AREL1: variants seen among roughly 807,000 people sequenced by gnomAD.
AREL1 encodes the protein apoptosis resistant E3 ubiquitin protein ligase 1.
A neutral mutation model predicts 99.0 loss-of-function variants in AREL1; 62 were observed. The observed-to-expected ratio is 0.63, with a 90% CI of 0.51 to 0.77. AREL1 has a LOEUF of 0.77. Ranked by LOEUF, AREL1 falls within the 30% of genes least tolerant of loss-of-function variation. The pLI is 0.00. For synonymous variants in AREL1, 380 were observed against 376.5 expected, an observed-to-expected ratio of 1.01 and a Z score of -0.11; for missense variants, 879 against 1,027.6, an observed-to-expected ratio of 0.86 and a Z score of 1.98.
chr14:74,666,995 C>T (rs1340538600), intron 17 of AREL1, among the ~76,000 whole-genome samples: 2 of 152,264 alleles, frequency 1.3e-5, no homozygotes, highest in East Asian at 1.9e-4. Context: ...GCTGGGATTA[C>T]AGAAGTGAGC....
chr14:74,712,234 G>C (rs2090326027), intron 1 of AREL1, among the ~76,000 whole-genome samples: 1 of 152,036 alleles, frequency 6.6e-6, no homozygotes, highest in Non-Finnish European at 1.5e-5. Flanking sequence ...AAGGTAATAT[G>C]AATAAAGTGA....
At chr14:74,708,256 C>G (rs1219854979) in intron 1 of AREL1, among the ~76,000 whole-genome samples, 2 of 152,134 alleles carry the variant, frequency 1.3e-5, no homozygotes, top group Admixed American at 1.3e-4. Flanking sequence ...AATTTAATTA[C>G]AGATGGTGCT....
At chr14:74,671,321 CTTTTTTT>C (rs34340758) in intron 12 of AREL1, 80 bp downstream of exon 12, 3 of 125,840 alleles carry the variant, frequency 2.4e-5, no homozygotes, top group Non-Finnish European at 3.1e-5. Context: ...GTAAGAGTTG[CTTTTTTT>C]TTTTTTTTTT....
At chr14:74,667,669 T>C in intron 15 of AREL1, 75 bp from the exon 16 acceptor site, 1 of 1,512,538 alleles carries the variant, frequency 6.6e-7, no homozygotes, top group Non-Finnish European at 8.9e-7. Context: ...TGCCTGGATG[T>C]TTTATAGACA....
chr14:74,670,648 TAAG>T, intron 13 of AREL1, 111 bp downstream of exon 13: 2 of 806,368 alleles, frequency 2.5e-6, no homozygotes, highest in African/African-American at 3.5e-5. Context: ...GCAGTAAAAT[TAAG>T]AATAGGACAC....
chr14:74,688,983 C>T (rs903430639), intron 2 of AREL1, among the ~76,000 whole-genome samples: 3 of 151,362 alleles, frequency 2.0e-5, no homozygotes, highest in Admixed American at 6.6e-5. Context: ...ATTACAGGTG[C>T]CCACCACCAC....
chr14:74,670,820 G>T lies in AREL1; in HGVS notation c.1550C>A (p.Ala517Glu). The T allele has an allele frequency of 1.2e-6, 2 of 1,614,118 alleles. No homozygotes were observed. Among genetic ancestry groups the T allele is most frequent in the Non-Finnish European group, 1.7e-6 (2 of 1,179,994 alleles). The change falls in exon 13 of 20, where the codon GCA becomes GAA. Residue 517 changes from alanine to glutamate, a missense_variant. Ala to Glu is a moderately radical substitution (Grantham distance 107). Coordinates refer to ENST00000356357, the MANE Select transcript of AREL1 (RefSeq NM_001039479.2). ...GAGCTGATTGGTGGTATCAAATAGT[G>T]CTTTGCAGATTAGCTCAAACCATTC... is the stretch of plus-strand genomic sequence containing the variant. Reference protein sequence around the residue: ...RREWFELICKALFDTTNQLFT... With the variant: ...RREWFELICKELFDTTNQLFT...
At chr14:74,686,992 C>G (rs368083512) in intron 2 of AREL1, among the ~76,000 whole-genome samples, 1 of 152,208 alleles carries the variant, frequency 6.6e-6, no homozygotes, top group Admixed American at 6.5e-5. Flanking sequence ...GGGGACCCAA[C>G]AGCTATCATC....
At position 74,670,143 on chromosome 14, in the gene AREL1, C is replaced by G; in HGVS notation, c.1609-17G>C. ...GGGATGCACCTGTCCAAGAAAGAGA[C>G]TGAAAGGCCCTGGGCCATTTTTCTT... On this transcript the variant is annotated splice_polypyrimidine_tract_variant and intron_variant, in intron 13 of 19. Transcript: ENST00000356357. 6.4e-7 allele frequency: 1 copy of G among 1,569,958 alleles called. No individual in the cohort carries two copies. The highest frequency in any genetic ancestry group is 8.7e-7 in the Non-Finnish European group (1 of 1,155,752).
chr14:74,674,115 G>C lies in AREL1; in HGVS notation c.1081-4C>G. 6.2e-7 allele frequency: 1 copy of C among 1,611,952 alleles called. No homozygotes were observed. Among genetic ancestry groups the C allele is most frequent in the Non-Finnish European group, 8.5e-7 (1 of 1,178,262 alleles). On this transcript the variant is annotated splice_region_variant and splice_polypyrimidine_tract_variant and intron_variant, in intron 8 of 19. Coordinates refer to ENST00000356357, the MANE Select transcript of AREL1 (RefSeq NM_001039479.2). ...AGAACTCCTTCACTGAGAATTGCTGGAGGACCAACAGACAGGAAATGAAGT... is the reference window on the plus strand; with the variant it reads ...AGAACTCCTTCACTGAGAATTGCTGCAGGACCAACAGACAGGAAATGAAGT...
rs2089098916 is a variant in AREL1 at position 74,662,202 on chromosome 14, G to A, written c.*1518C>T. On this transcript the variant is annotated 3_prime_UTR_variant, in exon 20 of 20. Transcript: ENST00000356357. ...GATGACTGCGAAAGACTGAGGTCAGGCAGGAACTGTAGCAGCTCAGGAGGG... is the reference window on the plus strand; with the variant it reads ...GATGACTGCGAAAGACTGAGGTCAGACAGGAACTGTAGCAGCTCAGGAGGG... 1 of 182,084 alleles carries A rather than the reference G, an allele frequency of 5.5e-6. No homozygotes were observed. The highest frequency in any genetic ancestry group is 1.1e-5 in the Non-Finnish European group (1 of 87,774). 11.3% of individuals were successfully genotyped at this position (182,084 alleles called of 1,614,324 possible).
At chr14:74,681,400 T>G (rs1402080212) in intron 5 of AREL1, among the ~76,000 whole-genome samples, 1 of 151,810 alleles carries the variant, frequency 6.6e-6, no homozygotes, top group Non-Finnish European at 1.5e-5. Flanking sequence ...TACTATATGA[T>G]TCTAGTTATA....
chr14:74,677,263 G>C (rs889500734), intron 5 of AREL1, among the ~76,000 whole-genome samples: 1 of 151,724 alleles, frequency 6.6e-6, no homozygotes, highest in Non-Finnish European at 1.5e-5. Flanking sequence ...GGGAGGCCAA[G>C]GCCAGAGAAT....
At chr14:74,668,748 T>C (rs1047232064) in intron 15 of AREL1, among the ~76,000 whole-genome samples, 1 of 152,212 alleles carries the variant, frequency 6.6e-6, no homozygotes, top group African/African-American at 2.4e-5. Flanking sequence ...ATCATTCCTA[T>C]TCTGCTTTTA....
rs750212930 is a variant in AREL1, at chr14:74,675,714, G to A, written c.1065C>T (p.Cys355=). 3 of 1,614,088 alleles carry A rather than the reference G, an allele frequency of 1.9e-6. No individual in the cohort carries two copies. The highest frequency in any genetic ancestry group is 1.3e-5 in the African/African-American group (1 of 75,034). The change falls in exon 8 of 20, where the codon TGC becomes TGT. Residue 355 remains cysteine (C), a synonymous_variant. Transcript: ENST00000356357. ...AAGGTCCAACCTTTGGTGACACATAGCAGTACACCTTCTTCGGTTTCTTCA... is the reference window on the plus strand; with the variant it reads ...AAGGTCCAACCTTTGGTGACACATAACAGTACACCTTCTTCGGTTTCTTCA... The part of the protein sequence containing the change: ...EKVKKPKKVY[C]YVSPKQFSVK...
intron 2 of AREL1, 90 bp from the exon 3 acceptor site, chr14:74,685,750 C>A: frequency 1.1e-5 from 12 of 1,092,566 alleles, no homozygotes; most frequent in East Asian, 2.6e-5. Flanking sequence ...TGGCGTGAGC[C>A]AAACAACTCT....
At chr14:74,686,216 G>A (rs2089745128) in intron 2 of AREL1, among the ~76,000 whole-genome samples, 1 of 152,068 alleles carries the variant, frequency 6.6e-6, no homozygotes, top group Non-Finnish European at 1.5e-5. Flanking sequence ...CATTTATGCT[G>A]TTACCAATCA....
chr14:74,665,270 C>CTTTTTTTTT (rs546774095), intron 17 of AREL1, among the ~76,000 whole-genome samples: 7 of 136,390 alleles, frequency 5.1e-5, no homozygotes, highest in East Asian at 2.1e-4. Flanking sequence ...TCTTTCTTTT[C>CTTTTTTTTT]TTTTTTTTTT....
chr14:74,675,746 C>T lies in AREL1; in HGVS notation c.1033G>A (p.Glu345Lys), dbSNP rs1279532041. The T allele has an allele frequency of 1.2e-6, 2 of 1,614,032 alleles. No individual in the cohort carries two copies. The highest frequency in any genetic ancestry group is 1.7e-6 in the Non-Finnish European group (2 of 1,180,040). Residue 345 changes from glutamate to lysine, a missense_variant, in exon 8 of 20, where the codon GAG (glutamate) becomes AAG (lysine). Physicochemically the swap from Glu to Lys is moderately conservative, Grantham distance 56. Transcript: ENST00000356357. ...EDSPSECHTP[E>K]KVKKPKKVYC... is the part of the protein sequence containing the mutation. ...ACCTTCTTCGGTTTCTTCACCTTCTCAGGGGTGTGGCACTCAGAGGGCGAG... is the reference window on the plus strand; with the variant it reads ...ACCTTCTTCGGTTTCTTCACCTTCTTAGGGGTGTGGCACTCAGAGGGCGAG...
Sources: allele counts gnomAD v4.1 joint callset (sites outside exome capture counted in the v4.1 genomes callset), GRCh38; gene constraint gnomAD v4.1.1; transcripts MANE v1.5; gene names NCBI Gene and HGNC (gene_info 2026-07-23, HGNC 2026-07-21).